ACSM3: variants seen among roughly 807,000 people sequenced by gnomAD.
ACSM3 encodes the protein acyl-coenzyme A synthetase ACSM3, mitochondrial.
A neutral mutation model predicts 74.1 loss-of-function variants in ACSM3; 61 were observed. The observed-to-expected ratio is 0.82, with a 90% CI of 0.67 to 1.02. The LOEUF is 1.02. Among genes scored for constraint, ACSM3 ranks in the 50% least tolerant of loss-of-function variants. The pLI, the probability that ACSM3 is intolerant of heterozygous loss-of-function variation, is 0.00. For missense variants in ACSM3, 660 were observed against 697.0 expected, an observed-to-expected ratio of 0.95 and a Z score of 0.60; for synonymous variants, 213 against 241.5, an observed-to-expected ratio of 0.88 and a Z score of 1.09.
At chr16:20,706,468 C>A (rs2079728635) in intron 1 of ACSM3, among the ~76,000 whole-genome samples, 1 of 152,200 alleles carries the variant, frequency 6.6e-6, no homozygotes, top group African/African-American at 2.4e-5. Flanking sequence ...ACAATAATTT[C>A]TCATCTATTC....
intron 4 of ACSM3, among the ~76,000 whole-genome samples, chr16:20,778,142 C>G (rs1416599820): frequency 6.6e-6 from 1 of 152,024 alleles, no homozygotes; most frequent in African/African-American, 2.4e-5. Flanking sequence ...ATCCCATTCC[C>G]TTGCTGACAG....
intron 1 of ACSM3, among the ~76,000 whole-genome samples, chr16:20,695,033 C>T (rs958914867): frequency 2.0e-5 from 3 of 152,132 alleles, no homozygotes; most frequent in Non-Finnish European, 4.4e-5. Context: ...TTCATGGCAG[C>T]CCTAGCAAAC....
intron 1 of ACSM3, chr16:20,735,132 A>G (rs1452565009): frequency 6.6e-6 from 1 of 152,192 alleles, no homozygotes; most frequent in African/African-American, 2.4e-5. Flanking sequence ...TTTTTTCCCC[A>G]GAACCTTTCA....
rs188503536 is a variant in ACSM3 at position 20,751,304 on chromosome 16, A to T, written c.-96+1301A>T. Among the ~76,000 whole-genome samples, 35 of 152,376 alleles carry T rather than the reference A, an allele frequency of 2.3e-4. No individual in the cohort carries two copies. In the Middle Eastern group the frequency reaches 0.014, roughly 60 times the overall value. On this transcript the variant is annotated intron_variant, in intron 2 of 3. Transcript: ENST00000561584. ...AAGGTCTTCTATCTGTATGTAACTT[A>T]CAAAATAGTTGACAGTTCTATAAAG...
chr16:20,769,553 AC>A (rs2080166020), intron 1 of ACSM3, among the ~76,000 whole-genome samples: 1 of 152,234 alleles, frequency 6.6e-6, no homozygotes, highest in Non-Finnish European at 1.5e-5. Context: ...TAACATTTCT[AC>A]CCTACTTTGA....
At chr16:20,691,331 CT>C (rs1436838406) in intron 1 of ACSM3, 2 of 648,162 alleles carry the variant, frequency 3.1e-6, no homozygotes, top group Non-Finnish European at 5.0e-6. Context: ...ACAGTTATAG[CT>C]TTGTTTCAGG....
At chr16:20,686,148 ATAT>A (rs2079550189) in intron 1 of ACSM3, among the ~76,000 whole-genome samples, 4 of 152,244 alleles carry the variant, frequency 2.6e-5, no homozygotes, top group Admixed American at 6.5e-5. Flanking sequence ...TGCTCAATAA[ATAT>A]TATTATTATC....
chr16:20,794,118 T>C lies in ACSM3; in HGVS notation c.1554+1783T>C, dbSNP rs1223986842. Among the ~76,000 whole-genome samples the C allele has an allele frequency of 2.0e-5, 3 of 152,310 alleles. No homozygotes were observed. In the East Asian group the frequency reaches 5.8e-4, roughly 29 times the overall value. ...GAGGTATCCATGAACAAAACGGCCA[T>C]GTGCTCCATGCCTCCCTTTCTGCTG... On this transcript the variant is annotated intron_variant, in intron 12 of 13. Coordinates refer to ENST00000289416, the MANE Select transcript of ACSM3 (RefSeq NM_005622.4).
chr16:20,696,162 T>G (rs2079688693), intron 1 of ACSM3, among the ~76,000 whole-genome samples: 1 of 152,232 alleles, frequency 6.6e-6, no homozygotes, highest in Non-Finnish European at 1.5e-5. Flanking sequence ...CTTTGTGGGT[T>G]TGTGTAAGTA....
intron 1 of ACSM3, among the ~76,000 whole-genome samples, chr16:20,747,627 A>G (rs2079963279): frequency 6.6e-6 from 1 of 152,178 alleles, no homozygotes; most frequent in Non-Finnish European, 1.5e-5. Flanking sequence ...TACTTCTTTG[A>G]GCACTTCTAG....
At chr16:20,731,048 T>C (rs1456973166) in intron 1 of ACSM3, among the ~76,000 whole-genome samples, 1 of 152,190 alleles carries the variant, frequency 6.6e-6, no homozygotes, top group African/African-American at 2.4e-5. Flanking sequence ...TTAGTCTTTA[T>C]AGAGATGGGG....
At chr16:20,706,850 AC>A (rs1361910600) in intron 1 of ACSM3, among the ~76,000 whole-genome samples, 2 of 152,010 alleles carry the variant, frequency 1.3e-5, no homozygotes, top group Non-Finnish European at 2.9e-5. Flanking sequence ...TTGCATAAGG[AC>A]CCAGAGAGAG....
chr16:20,721,403 T>C (rs1232713002), intron 1 of ACSM3: 1 of 152,208 alleles, frequency 6.6e-6, no homozygotes, highest in Admixed American at 6.5e-5. Flanking sequence ...GATATCGTTT[T>C]GTGTTAGGGT....
At chr16:20,769,872 C>A (rs1027457) in intron 1 of ACSM3, 112 bp from the exon 2 acceptor site, 92,310 of 634,890 alleles carry the variant, frequency 0.15, 7,078 homozygotes, top group Middle Eastern at 0.22. Context: ...GTGTACGCAG[C>A]AAATGGTACT....
chr16:20,735,425 T>C (rs1380882714), intron 1 of ACSM3: 1 of 151,762 alleles, frequency 6.6e-6, no homozygotes, highest in African/African-American at 2.4e-5. Flanking sequence ...TTGATACAGG[T>C]AACCAGTTTT....
At chr16:20,746,753 C>G (rs945658605) in intron 1 of ACSM3, among the ~76,000 whole-genome samples, 2 of 152,160 alleles carry the variant, frequency 1.3e-5, no homozygotes, top group African/African-American at 4.8e-5. Flanking sequence ...TTTGGCCTGG[C>G]CTTTGTACCT....
Position 20,683,130 on chromosome 16 carries a change from T to A in ACSM3, c.-190+8308T>A, listed in dbSNP as rs184580976. Among the ~76,000 whole-genome samples the A allele has an allele frequency of 3.1e-3, 477 of 152,144 alleles. 3 individuals carry two copies. The highest frequency in any genetic ancestry group is 5.1e-3 in the Non-Finnish European group (348 of 68,006). On this transcript the variant is annotated intron_variant, in intron 1 of 3. Coordinates refer to the ACSM3 transcript ENST00000561584. ...CTTTTTTTCTTTTATTTATTTATTT[T>A]TTTTTAAGGTGGAGTCTCCCCCTGT...
At chr16:20,786,275 G>T in intron 9 of ACSM3, 117 bp downstream of exon 9, 2 of 1,444,768 alleles carry the variant, frequency 1.4e-6, no homozygotes, top group Non-Finnish European at 1.8e-6. Context: ...TTACTTCCAT[G>T]ATACTTTAAT....
intron 1 of ACSM3, chr16:20,685,298 T>G: frequency 1.2e-6 from 2 of 1,614,198 alleles, no homozygotes; most frequent in South Asian, 2.2e-5. Flanking sequence ...GTGAAGACGT[T>G]GGCTACACGG....
Sources: gnomAD v4.1 joint callset for allele counts (sites outside exome capture counted in the v4.1 genomes callset) on GRCh38, gnomAD v4.1.1 for gene constraint, MANE v1.5 for transcripts, NCBI Gene and HGNC (gene_info 2026-07-23, HGNC 2026-07-21) for gene names.